Variants in SERPINB5 observed in about 807,000 individuals in gnomAD.
SERPINB5 encodes the protein serpin B5.
In SERPINB5, 27 loss-of-function variants were observed where a neutral mutation model predicts 32.2. The ratio of observed to expected loss-of-function variants is 0.84; its 90% CI spans 0.62 to 1.16. SERPINB5 has a LOEUF of 1.16. Among genes scored for constraint, SERPINB5 ranks in the 50% most tolerant of loss-of-function variants. The pLI is 0.00. For missense variants in SERPINB5, 388 were observed against 436.3 expected, an observed-to-expected ratio of 0.89 and a Z score of 0.99; for synonymous variants, 154 against 157.4, an observed-to-expected ratio of 0.98 and a Z score of 0.16.
At chr18:63,482,716 C>A (rs1917144307) in intron 1 of SERPINB5, among the ~76,000 whole-genome samples, 1 of 151,776 alleles carries the variant, frequency 6.6e-6, no homozygotes, top group Non-Finnish European at 1.5e-5. Flanking sequence ...TTACCGAGGA[C>A]CCCAAAGAAC....
At chr18:63,480,411 G>A (rs1043724466) in intron 1 of SERPINB5, among the ~76,000 whole-genome samples, 1 of 152,126 alleles carries the variant, frequency 6.6e-6, no homozygotes, top group Non-Finnish European at 1.5e-5. Context: ...CACAGAAATG[G>A]AAGAAGACCC....
intron 5 of SERPINB5, chr18:63,493,309 C>G: frequency 3.2e-6 from 2 of 633,780 alleles, no homozygotes; most frequent in Non-Finnish European, 5.5e-6. Flanking sequence ...CTTCAAGGAT[C>G]TGAGCTGAGT....
Position 63,493,860 on chromosome 18 carries a change from A to AC in SERPINB5, c.567+765_567+766insC, listed in dbSNP as rs1599391670. ...AACAAGAGTGAAACTCCACCTCAAG[A>AC]AAAACAAACAAACAAACAAACAACA... On this transcript the variant is annotated intron_variant, in intron 5 of 6. Transcript: ENST00000382771. Among the ~76,000 whole-genome samples the AC allele has an allele frequency of 1.2e-4, 10 of 85,374 alleles. No homozygotes were observed. In the East Asian group the frequency reaches 2.8e-3, roughly 24 times the overall value. The allele number at this position is 85,374 out of a possible 152,430, so 56.0% of individuals were successfully genotyped here. A position where few individuals can be genotyped will look rare whatever the true frequency, so the allele number is the denominator to read the frequency against.
chr18:63,491,813 T>C (rs1408615704), intron 4 of SERPINB5, among the ~76,000 whole-genome samples: 1 of 152,104 alleles, frequency 6.6e-6, no homozygotes, highest in Non-Finnish European at 1.5e-5. Context: ...AGGCTCAGGG[T>C]TGAAGTTGAA....
chr18:63,480,574 T>C (rs770344036), intron 1 of SERPINB5, among the ~76,000 whole-genome samples: 9 of 152,214 alleles, frequency 5.9e-5, no homozygotes, highest in Non-Finnish European at 1.2e-4. Context: ...AAATGGTCTG[T>C]GTAGGAAGTT....
chr18:63,483,236 T>C (rs149393979), intron 1 of SERPINB5, among the ~76,000 whole-genome samples: 129 of 152,350 alleles, frequency 8.5e-4, no homozygotes, highest in Non-Finnish European at 1.6e-3. Flanking sequence ...TTACTTATTA[T>C]ACCACTCACA....
chr18:63,494,457 G>A (rs1287693366), intron 5 of SERPINB5, among the ~76,000 whole-genome samples: 1 of 151,996 alleles, frequency 6.6e-6, no homozygotes, highest in Admixed American at 6.6e-5. Context: ...TGTGGTCTCC[G>A]TGGGTGGGAT....
At chr18:63,484,115 CT>C (rs1221886608) in intron 1 of SERPINB5, among the ~76,000 whole-genome samples, 1 of 152,230 alleles carries the variant, frequency 6.6e-6, no homozygotes, top group East Asian at 1.9e-4. Flanking sequence ...GTGCTGTCAA[CT>C]TTTCTGACAT....
At position 63,487,096 on chromosome 18, in the gene SERPINB5, A is replaced by G; in HGVS notation, c.306+13A>G. 6.2e-7 allele frequency: 1 copy of G among 1,611,934 alleles called. No individual in the cohort carries two copies. Among genetic ancestry groups the G allele is most frequent in the Non-Finnish European group, 8.5e-7 (1 of 1,179,084 alleles). Reference sequence around the variant, plus strand: ...GAATCTTTCTACAGTAAGTTGTTTAAAGCAAGTAGCAAGACTTAACTTTTT... The same window carrying G: ...GAATCTTTCTACAGTAAGTTGTTTAGAGCAAGTAGCAAGACTTAACTTTTT... On this transcript the variant is annotated intron_variant, in intron 3 of 6. Transcript: ENST00000382771.
intron 6 of SERPINB5, among the ~76,000 whole-genome samples, chr18:63,502,879 C>G (rs1909597844): frequency 6.6e-6 from 1 of 152,042 alleles, no homozygotes; most frequent in Admixed American, 6.6e-5. Flanking sequence ...GAAAATTTAG[C>G]TGGGCATGGT....
intron 1 of SERPINB5, among the ~76,000 whole-genome samples, chr18:63,480,988 C>A (rs1917118180): frequency 6.6e-6 from 1 of 152,196 alleles, no homozygotes. Flanking sequence ...TCTTTGCGTT[C>A]ATGCACTGAG....
chr18:63,493,304 A>G, intron 5 of SERPINB5: 1 of 656,788 alleles, frequency 1.5e-6, no homozygotes, highest in Admixed American at 2.5e-5. Context: ...AATGTCTTCA[A>G]GGATCTGAGC....
At chr18:63,499,059 A>ATATATATATATT in intron 5 of SERPINB5, 61 bp from the exon 6 acceptor site, 1 of 739,926 alleles carries the variant, frequency 1.4e-6, no homozygotes. Context: ...ATATATATAT[A>ATATATATATATT]TATATATATT....
rs11875003 is a variant in SERPINB5 at position 63,501,999 on chromosome 18, G to A, written c.736-1331G>A. On this transcript the variant is annotated intron_variant, in intron 6 of 6. Coordinates refer to ENST00000382771, the MANE Select transcript of SERPINB5 (RefSeq NM_002639.5). ...TTTTCTCCCATTCTGTAGGTTGCCT[G>A]TTCACTCTGATGGTAGTTTCTTTTG... 4.4e-3 allele frequency among the ~76,000 whole-genome samples: 663 copies of A among 151,998 alleles called. 8 individuals are homozygous for A. Among genetic ancestry groups the A allele is most frequent in the African/African-American group, 0.015 (609 of 41,446 alleles).
chr18:63,492,910 G>C (rs756249245), intron 4 of SERPINB5, 43 bp from the exon 5 acceptor site: 2 of 1,585,770 alleles, frequency 1.3e-6, no homozygotes, highest in Non-Finnish European at 1.7e-6. Context: ...ATGTAGTTTG[G>C]AAGAATAATT....
chr18:63,493,861 A>AAAACAAAC (rs58878863), intron 5 of SERPINB5, among the ~76,000 whole-genome samples: 33,146 of 151,054 alleles, frequency 0.22, 7,026 homozygotes, highest in African/African-American at 0.55. Flanking sequence ...CACCTCAAGA[A>AAAACAAAC]AAACAAACAA....
intron 4 of SERPINB5, 79 bp downstream of exon 4, chr18:63,489,543 T>A: frequency 3.9e-6 from 3 of 768,326 alleles, no homozygotes; most frequent in Admixed American, 2.6e-5. Context: ...GCTCCAAGGA[T>A]AAAAAAAACA....
intron 6 of SERPINB5, among the ~76,000 whole-genome samples, chr18:63,501,758 T>G (rs1452302762): frequency 6.6e-6 from 1 of 152,232 alleles, no homozygotes; most frequent in Non-Finnish European, 1.5e-5. Context: ...AGATGGTATC[T>G]CATTGTGGTT....
In SERPINB5 at chr18:63,498,745, T is replaced by TTG. The variant is rs143788843; in HGVS notation, c.568-371_568-370dup. 0.14 allele frequency among the ~76,000 whole-genome samples: 20,491 copies of TTG among 149,348 alleles called. 1,445 individuals carry two copies. Among genetic ancestry groups the TTG allele is most frequent in the African/African-American group, 0.15 (6,084 of 39,898 alleles). On this transcript the variant is annotated intron_variant, in intron 5 of 6. Transcript: ENST00000382771. The surrounding 1 kb of genome is among the most constrained non-coding windows in gnomAD (Gnocchi z 4.2). ...ATCTGACACTGTGTCAAGAGCAAAT[T>TTG]TGTGTATATATATATATGTACATAT...
Sources: gnomAD v4.1 joint callset for allele counts (sites outside exome capture counted in the v4.1 genomes callset) on GRCh38, gnomAD v4.1.1 for gene constraint, Gnocchi (gnomAD v3.1) non-coding constraint, MANE v1.5 for transcripts, NCBI Gene and HGNC (gene_info 2026-07-23, HGNC 2026-07-21) for gene names.